The following GPHN variants were observed in gnomAD, a reference collection of about 807,000 sequenced individuals.
GPHN encodes gephyrin.
A neutral mutation model predicts 95.5 loss-of-function variants in GPHN; 17 were observed. The ratio of observed to expected loss-of-function variants is 0.18; its 90% CI spans 0.12 to 0.27. GPHN has a LOEUF of 0.27. Among genes scored for constraint, GPHN ranks in the 10% least tolerant of loss-of-function variants. GPHN has a pLI of 1.00. For missense variants in GPHN, 660 were observed against 978.1 expected (o/e 0.67, Z 4.34); for synonymous variants, 320 against 322.5 (o/e 0.99, Z 0.08).
intron 17 of GPHN, among the ~76,000 whole-genome samples, chr14:67,137,219 C>A (rs1392318794): frequency 6.6e-6 from 1 of 151,222 alleles, no homozygotes; most frequent in African/African-American, 2.4e-5. Context: ...GATCTCTGCT[C>A]ACTGCAGGCT....
At chr14:67,502,653 T>C in the GPHN span, among the ~76,000 whole-genome samples, 5 of 151,854 alleles carry the variant, frequency 3.3e-5, no homozygotes, top group African/African-American at 9.7e-5. Context: ...CATTCCTCCA[T>C]GTTGGTCAGG....
intron 9 of GPHN, among the ~76,000 whole-genome samples, chr14:67,003,439 T>C (rs1414517900): frequency 6.6e-6 from 1 of 151,656 alleles, no homozygotes; most frequent in African/African-American, 2.4e-5. Flanking sequence ...CTTAGGAAAA[T>C]GCACTTTAAC....
chr14:67,567,857 A>G, the GPHN span, among the ~76,000 whole-genome samples: 35 of 151,918 alleles, frequency 2.3e-4, no homozygotes, highest in African/African-American at 8.2e-4. Flanking sequence ...AGCCTTGGTG[A>G]CTCACGTCAC....
chr14:67,628,942 TAAC>T, the GPHN span, among the ~76,000 whole-genome samples: 2 of 152,338 alleles, frequency 1.3e-5, no homozygotes, highest in East Asian at 3.9e-4. Context: ...ACAGCAGTAT[TAAC>T]AATAGCCAAA....
the GPHN span, chr14:67,585,534 G>A: frequency 7.2e-7 from 1 of 1,383,426 alleles, no homozygotes; most frequent in Non-Finnish European, 1.0e-6. Flanking sequence ...CTCTAACTAT[G>A]GATATATCTG....
At chr14:67,497,344 A>G in the GPHN span, among the ~76,000 whole-genome samples, 1 of 152,178 alleles carries the variant, frequency 6.6e-6, no homozygotes, top group Non-Finnish European at 1.5e-5. Flanking sequence ...GCCTAAGGTC[A>G]TACAAATACC....
the GPHN span, among the ~76,000 whole-genome samples, chr14:67,672,590 C>T: frequency 3.3e-5 from 5 of 151,534 alleles, no homozygotes; most frequent in East Asian, 5.9e-4. Context: ...CTACAGGCAA[C>T]TGACACCATG....
intron 2 of GPHN, among the ~76,000 whole-genome samples, chr14:66,727,444 C>G (rs1014713294): frequency 1.3e-5 from 2 of 152,076 alleles, no homozygotes; most frequent in Non-Finnish European, 2.9e-5. Context: ...CAGAAGAAGA[C>G]AGGAAAATGT....
In GPHN at chr14:67,097,863, T is replaced by TAC. The variant is rs1188717891; in HGVS notation, c.1238-2985_1238-2984dup. On this transcript the variant is annotated intron_variant, in intron 12 of 22. Transcript: ENST00000478722. ...TATTATACATCAAAAGCCAATGATA[T>TAC]ACACACACATATATAACATATACAG... Among the ~76,000 whole-genome samples, 8 of 152,288 alleles carry TAC rather than the reference T, an allele frequency of 5.3e-5. No homozygotes were observed. The East Asian group carries it at 1.5e-3, about 29-fold the overall frequency.
At chr14:66,566,007 T>G (rs1314930691) in intron 1 of GPHN, among the ~76,000 whole-genome samples, 3 of 151,842 alleles carry the variant, frequency 2.0e-5, no homozygotes, top group Non-Finnish European at 2.9e-5. Flanking sequence ...TTTTAAGATC[T>G]TCTGTTTCTT....
intron 9 of GPHN, among the ~76,000 whole-genome samples, 171 bp from the exon 10 acceptor site, chr14:67,023,462 T>A (rs889330700): frequency 1.3e-5 from 2 of 152,060 alleles, no homozygotes; most frequent in African/African-American, 4.8e-5. Context: ...AAGGAAAAGA[T>A]AAAGAAAAAA....
At chr14:66,717,791 T>C (rs1957298) in intron 2 of GPHN, among the ~76,000 whole-genome samples, 47,326 of 152,136 alleles carry the variant, frequency 0.31, 11,184 homozygotes, top group African/African-American at 0.64. Flanking sequence ...GGTCTAGCCA[T>C]CTACCGCGCC....
At chr14:67,149,928 A>G (rs1425113248) in intron 18 of GPHN, among the ~76,000 whole-genome samples, 2 of 152,326 alleles carry the variant, frequency 1.3e-5, no homozygotes, top group Non-Finnish European at 2.9e-5. Flanking sequence ...TACTAACTAT[A>G]TAGTTTTAAT....
chr14:67,525,615 G>A, the GPHN span, among the ~76,000 whole-genome samples: 2 of 152,240 alleles, frequency 1.3e-5, no homozygotes, highest in African/African-American at 4.8e-5. Flanking sequence ...GAGATTTGGA[G>A]TGGGGAAGGT....
the GPHN span, among the ~76,000 whole-genome samples, chr14:67,396,908 A>G: frequency 6.6e-6 from 1 of 151,956 alleles, no homozygotes; most frequent in Non-Finnish European, 1.5e-5. Context: ...ATGTCTTGGC[A>G]CATGATGGGC....
the GPHN span, among the ~76,000 whole-genome samples, chr14:67,673,352 A>C: frequency 6.6e-6 from 1 of 152,170 alleles, no homozygotes; most frequent in African/African-American, 2.4e-5. Flanking sequence ...TCAAAAAAAA[A>C]AATGATAAAT....
At chr14:67,079,605 C>T (rs377106805) in intron 11 of GPHN, among the ~76,000 whole-genome samples, 2 of 151,660 alleles carry the variant, frequency 1.3e-5, no homozygotes, top group East Asian at 1.9e-4. Context: ...TAATTCATTC[C>T]TTTGTTGTGG....
intron 9 of GPHN, chr14:66,985,842 A>G (rs1172474637): frequency 1.7e-6 from 1 of 597,618 alleles, no homozygotes; most frequent in East Asian, 3.0e-5. Flanking sequence ...ATTTTTCACC[A>G]TCCCATTTTT....
intron 2 of GPHN, among the ~76,000 whole-genome samples, chr14:66,711,082 G>A (rs952389086): frequency 6.6e-6 from 1 of 152,094 alleles, no homozygotes; most frequent in Admixed American, 6.6e-5. Context: ...GGGGGTACAG[G>A]TGGTGTTTGG....
Sources: allele counts gnomAD v4.1 joint callset (sites outside exome capture counted in the v4.1 genomes callset), GRCh38; gene constraint gnomAD v4.1.1; transcripts MANE v1.5; gene names NCBI Gene and HGNC (gene_info 2026-07-23, HGNC 2026-07-21).